XDH: variants seen among roughly 807,000 people sequenced by gnomAD.
The protein encoded by XDH is xanthine dehydrogenase.
XDH carries 138 observed loss-of-function variants against 156.1 expected under a neutral mutation model. The observed-to-expected ratio is 0.88, with a 90% confidence interval of 0.77 to 1.02. The LOEUF (loss-of-function observed/expected upper bound fraction) is 1.02. XDH is among the 50% of genes least tolerant of loss of function. XDH has a pLI of 0.00. For missense variants in XDH, 1,849 were observed against 1,684.9 expected, an observed-to-expected ratio of 1.10 and a Z score of -1.71; for synonymous variants, 669 against 625.7, an observed-to-expected ratio of 1.07 and a Z score of -1.03.
At chr2:31,387,299 T>C (rs1454285950) in intron 8 of XDH, among the ~76,000 whole-genome samples, 12 of 152,170 alleles carry the variant, frequency 7.9e-5, no homozygotes, top group Admixed American at 7.9e-4. Flanking sequence ...TTGCCATAAA[T>C]ATTAGAGTGA....
In XDH at chr2:31,346,236, G is replaced by A. The variant is rs150837517; in HGVS notation, c.3351+533C>T. Among the ~76,000 whole-genome samples the A allele has an allele frequency of 5.7e-4, 87 of 152,280 alleles. 1 individual carries two copies. The highest frequency in any genetic ancestry group is 2.0e-3 in the African/African-American group (85 of 41,554). ...GAGATTTCTGACATTCAGGCCACTGGTCTAGAAGTCAGAGAATTGGGCTCA... is the reference window on the plus strand; with the variant it reads ...GAGATTTCTGACATTCAGGCCACTGATCTAGAAGTCAGAGAATTGGGCTCA... On this transcript the variant is annotated intron_variant, in intron 30 of 35. Coordinates refer to ENST00000379416, the MANE Select transcript of XDH (RefSeq NM_000379.4).
chr2:31,410,777 A>G (rs563013608), intron 1 of XDH, among the ~76,000 whole-genome samples: 4 of 152,320 alleles, frequency 2.6e-5, no homozygotes, highest in South Asian at 4.2e-4. Context: ...AGAAACACCA[A>G]TGTCATGAAA....
rs1312573484 is a variant in XDH at position 31,401,280 on chromosome 2, A to G, written c.246T>C (p.His82=). Residue 82 remains histidine (H), a synonymous_variant, in exon 4 of 36, where the codon CAT becomes CAC. Coordinates refer to ENST00000379416, the MANE Select transcript of XDH (RefSeq NM_000379.4). ...TTCCTTCCACAGTTGTCACTGCAAC[A>G]TGGTGCAAGGAGCAGATGGGGGCCA... ...ACLAPICSLH[H]VAVTTVEGIG... The G allele has an allele frequency of 3.1e-6, 5 of 1,614,222 alleles. No homozygotes were observed. Among genetic ancestry groups the G allele is most frequent in the Non-Finnish European group, 4.2e-6 (5 of 1,180,036 alleles).
At chr2:31,382,914 T>C in intron 11 of XDH, 87 bp downstream of exon 11, 1 of 1,596,360 alleles carries the variant, frequency 6.3e-7, no homozygotes, top group Non-Finnish European at 8.6e-7. Context: ...TGAGGCCCAC[T>C]GCACTGACAC....
chr2:31,337,709 A>G lies in XDH; in HGVS notation c.3883T>C (p.Phe1295Leu). 6.2e-7 allele frequency: 1 copy of G among 1,614,222 alleles called. No individual in the cohort carries two copies. The highest frequency in any genetic ancestry group is 8.5e-7 in the Non-Finnish European group (1 of 1,180,042). ...GGGGTGGCAGGGCTGTCTAGCCGGA[A>G]GAGTTCCTTCACGTTATTACCTGTG... Reference protein sequence around the residue: ...QHTGNNVKELFRLDSPATPEK... With the variant: ...QHTGNNVKELLRLDSPATPEK... The change falls in exon 35 of 36, where the codon TTC becomes CTC. Residue 1295 changes from phenylalanine to leucine, a missense_variant. Transcript: ENST00000379416.
chr2:31,362,767 G>A (rs972943388), intron 24 of XDH, among the ~76,000 whole-genome samples: 4 of 152,164 alleles, frequency 2.6e-5, no homozygotes, highest in South Asian at 4.1e-4. Context: ...ATGAAAATGC[G>A]ATCATTTCTT....
intron 17 of XDH, among the ~76,000 whole-genome samples, chr2:31,370,820 C>G (rs959637190): frequency 3.3e-5 from 5 of 152,132 alleles, no homozygotes; most frequent in Admixed American, 2.6e-4. Context: ...GGCAACATAG[C>G]AAGATCCTGT....
chr2:31,373,087 C>T (rs1488473708), intron 16 of XDH, among the ~76,000 whole-genome samples: 1 of 152,174 alleles, frequency 6.6e-6, no homozygotes, highest in Non-Finnish European at 1.5e-5. Context: ...TTTATTAACA[C>T]ATTTAATCCT....
At chr2:31,345,018 AT>A in intron 30 of XDH, among the ~76,000 whole-genome samples, 1 of 152,188 alleles carries the variant, frequency 6.6e-6, no homozygotes, top group South Asian at 2.1e-4. Flanking sequence ...CACACTGTGC[AT>A]GTCACTACCC....
At chr2:31,382,462 T>C (rs1434482748) in intron 11 of XDH, among the ~76,000 whole-genome samples, 1 of 152,200 alleles carries the variant, frequency 6.6e-6, no homozygotes, top group Admixed American at 6.5e-5. Flanking sequence ...GAGCTTCCAT[T>C]GGCATAGGGT....
chr2:31,360,920 T>C lies in XDH; in HGVS notation c.2631+3238A>G, dbSNP rs566430307. Among the ~76,000 whole-genome samples, 37 of 152,334 alleles carry C rather than the reference T, an allele frequency of 2.4e-4. No homozygotes were observed. The South Asian group carries it at 3.5e-3, about 15-fold the overall frequency. On this transcript the variant is annotated intron_variant, in intron 24 of 35. Coordinates refer to ENST00000379416, the MANE Select transcript of XDH (RefSeq NM_000379.4). ...CACTGGGAGTCTTGGAATGTATCTC[T>C]TGCAGATAAGGGGAGACTACTGTGT... is the stretch of plus-strand genomic sequence containing the variant.
At chr2:31,409,713 C>T (rs1687290498) in intron 1 of XDH, among the ~76,000 whole-genome samples, 2 of 152,304 alleles carry the variant, frequency 1.3e-5, no homozygotes, top group South Asian at 4.1e-4. Flanking sequence ...TAGCTATGAT[C>T]AACGAACAAA....
intron 24 of XDH, among the ~76,000 whole-genome samples, chr2:31,362,678 T>G (rs2148765061): frequency 6.6e-6 from 1 of 152,314 alleles, no homozygotes; most frequent in South Asian, 2.1e-4. Context: ...ATTATAAAGT[T>G]CCTTTTATTT....
chr2:31,390,816 C>G (rs1043064355), intron 6 of XDH, among the ~76,000 whole-genome samples: 2 of 152,180 alleles, frequency 1.3e-5, no homozygotes, highest in African/African-American at 4.8e-5. Context: ...GGTGAGGTAG[C>G]TGTGCAGGTC....
intron 1 of XDH, among the ~76,000 whole-genome samples, chr2:31,407,331 C>T (rs150536447): frequency 3.2e-4 from 48 of 152,200 alleles, no homozygotes; most frequent in African/African-American, 1.0e-3. Flanking sequence ...TATACACTCC[C>T]GGAGCTTGGT....
intron 6 of XDH, among the ~76,000 whole-genome samples, chr2:31,390,549 CATG>C (rs1686734517): frequency 6.6e-6 from 1 of 152,192 alleles, no homozygotes; most frequent in South Asian, 2.1e-4. Context: ...CACTGAGGTG[CATG>C]ATAAGACATG....
In XDH at chr2:31,390,592, C is replaced by A. The variant is rs181419326; in HGVS notation, c.496-2297G>T. Among the ~76,000 whole-genome samples the A allele has an allele frequency of 1.2e-3, 178 of 152,304 alleles. 1 individual carries two copies. The highest frequency in any genetic ancestry group is 1.3e-3 in the Non-Finnish European group (91 of 68,030). ...GTTTTGTAAGAAACTGCCAAATTGT[C>A]TTCCACAGTGGTTGTGCAGTTTGCA... On this transcript the variant is annotated intron_variant, in intron 6 of 35. Transcript: ENST00000379416.
chr2:31,380,671 C>T (rs1686413231), intron 12 of XDH, among the ~76,000 whole-genome samples: 1 of 152,232 alleles, frequency 6.6e-6, no homozygotes, highest in African/African-American at 2.4e-5. Context: ...GACCTGGTTC[C>T]TCCAGACTTT....
At chr2:31,399,642 C>A (rs979038283) in intron 4 of XDH, among the ~76,000 whole-genome samples, 1 of 152,154 alleles carries the variant, frequency 6.6e-6, no homozygotes, top group Non-Finnish European at 1.5e-5. Flanking sequence ...CCATGTGTTG[C>A]GAGAGGGACC....
Sources: allele counts gnomAD v4.1 joint callset (sites outside exome capture counted in the v4.1 genomes callset), GRCh38; gene constraint gnomAD v4.1.1; transcripts MANE v1.5; gene names NCBI Gene and HGNC (gene_info 2026-07-23, HGNC 2026-07-21).